The following SLCO5A1 variants were observed in gnomAD, a reference collection of about 807,000 sequenced individuals.
The protein encoded by SLCO5A1 is organic anion transporter polypeptide-related protein 4.
A neutral mutation model predicts 65.1 loss-of-function variants in SLCO5A1; 39 were observed. The ratio of observed to expected loss-of-function variants is 0.60; its 90% CI spans 0.46 to 0.78. The LOEUF (loss-of-function observed/expected upper bound fraction) is 0.78. Among genes scored for constraint, SLCO5A1 ranks in the 30% least tolerant of loss-of-function variants. SLCO5A1 has a pLI of 0.00. For synonymous variants in SLCO5A1, 438 were observed against 415.7 expected, an observed-to-expected ratio of 1.05 and a Z score of -0.65; for missense variants, 1,029 against 1,069.4, an observed-to-expected ratio of 0.96 and a Z score of 0.53.
chr8:69,795,496 A>G (rs916833600), intron 2 of SLCO5A1, among the ~76,000 whole-genome samples: 7 of 152,358 alleles, frequency 4.6e-5, no homozygotes, highest in Admixed American at 2.6e-4. Context: ...TTTGACTCCA[A>G]GTCCCACATC....
In SLCO5A1 at chr8:69,797,577, A is replaced by C. The variant is rs1819555001; in HGVS notation, c.907+34190T>G. On this transcript the variant is annotated intron_variant, in intron 2 of 9. Coordinates refer to ENST00000260126, the MANE Select transcript of SLCO5A1 (RefSeq NM_030958.3). ...TTTCCCAGCAAGGAACATCCCTGAG[A>C]AAGAGAATACGTCCCTGAGGGCAGG... is the stretch of plus-strand genomic sequence containing the variant. Among the ~76,000 whole-genome samples, 7 of 152,350 alleles carry C rather than the reference A, an allele frequency of 4.6e-5. No homozygotes were observed. In the South Asian group the frequency reaches 1.4e-3, roughly 32 times the overall value.
intron 2 of SLCO5A1, among the ~76,000 whole-genome samples, chr8:69,763,277 C>T (rs1289900700): frequency 1.3e-5 from 2 of 151,684 alleles, no homozygotes; most frequent in Non-Finnish European, 2.9e-5. Context: ...CCATCGCGCT[C>T]CAGTCTGGGC....
chr8:69,822,448 C>T (rs1014052964), intron 2 of SLCO5A1, among the ~76,000 whole-genome samples: 8 of 152,188 alleles, frequency 5.3e-5, no homozygotes, highest in African/African-American at 1.2e-4. Flanking sequence ...TATAACATTA[C>T]GAAAACACTG....
intron 6 of SLCO5A1, among the ~76,000 whole-genome samples, chr8:69,694,297 G>C (rs148337770): frequency 0.01 from 1,567 of 152,210 alleles, 10 homozygotes; most frequent in South Asian, 0.024. Context: ...CTAAGCCTCA[G>C]GTTCTTTAAC....
chr8:69,697,326 GT>G (rs1181488253), intron 6 of SLCO5A1, among the ~76,000 whole-genome samples: 6 of 152,068 alleles, frequency 3.9e-5, no homozygotes, highest in African/African-American at 1.4e-4. Context: ...GGAGGTGGAG[GT>G]TGCAGTGAGC....
intron 2 of SLCO5A1, among the ~76,000 whole-genome samples, chr8:69,762,108 T>C (rs548790570): frequency 2.0e-5 from 3 of 151,926 alleles, no homozygotes; most frequent in South Asian, 2.1e-4. Context: ...TTTTGGTGGC[T>C]TTTGTTTTGT....
intron 2 of SLCO5A1, among the ~76,000 whole-genome samples, chr8:69,812,959 G>A (rs1379637675): frequency 2.0e-5 from 3 of 152,162 alleles, no homozygotes; most frequent in Non-Finnish European, 4.4e-5. Flanking sequence ...CCATTAAAAT[G>A]AAGTTCAAAT....
intron 2 of SLCO5A1, among the ~76,000 whole-genome samples, chr8:69,790,926 T>A (rs1398602565): frequency 6.6e-6 from 1 of 152,082 alleles, no homozygotes; most frequent in Non-Finnish European, 1.5e-5. Flanking sequence ...AGGCATACCA[T>A]GACTTCAGGG....
chr8:69,784,895 G>GAAGAAAGAAAGAAAGAAAGA (rs200219200), intron 2 of SLCO5A1, among the ~76,000 whole-genome samples: 25 of 85,034 alleles, frequency 2.9e-4, no homozygotes, highest in East Asian at 8.7e-4. Flanking sequence ...AAGAAGAAAG[G>GAAGAAAGAAAGAAAGAAAGA]AAGAAAGAAA....
At chr8:69,707,607 C>T (rs1815032072) in intron 5 of SLCO5A1, among the ~76,000 whole-genome samples, 2 of 152,172 alleles carry the variant, frequency 1.3e-5, no homozygotes, top group African/African-American at 4.8e-5. Flanking sequence ...GAATTCTGAG[C>T]TGCGGCTGAC....
chr8:69,809,694 T>A (rs967990473), intron 2 of SLCO5A1, among the ~76,000 whole-genome samples: 5 of 152,008 alleles, frequency 3.3e-5, no homozygotes, highest in Admixed American at 2.0e-4. Context: ...TTATGCTATC[T>A]TTCATGTATG....
At chr8:69,818,413 G>A (rs2130917472) in intron 2 of SLCO5A1, among the ~76,000 whole-genome samples, 1 of 152,296 alleles carries the variant, frequency 6.6e-6, no homozygotes, top group East Asian at 1.9e-4. Flanking sequence ...TTCAAAGCCA[G>A]GTTTATAGAA....
intron 2 of SLCO5A1, among the ~76,000 whole-genome samples, chr8:69,765,759 G>A (rs940487766): frequency 5.3e-5 from 8 of 152,046 alleles, no homozygotes; most frequent in African/African-American, 1.9e-4. Context: ...CAGGCCCCAT[G>A]CTCAGCACAG....
At chr8:69,780,734 A>G (rs1223460154) in intron 2 of SLCO5A1, among the ~76,000 whole-genome samples, 2 of 152,148 alleles carry the variant, frequency 1.3e-5, no homozygotes, top group Admixed American at 1.3e-4. Flanking sequence ...TAAAAGGCCT[A>G]ATTTCATCAC....
chr8:69,704,661 G>A (rs1814891486), intron 6 of SLCO5A1, among the ~76,000 whole-genome samples: 2 of 152,174 alleles, frequency 1.3e-5, no homozygotes, highest in African/African-American at 2.4e-5. Flanking sequence ...AAGAGCAAGA[G>A]GTTTCACTGT....
At chr8:69,796,812 A>G (rs577906424) in intron 2 of SLCO5A1, among the ~76,000 whole-genome samples, 27 of 152,252 alleles carry the variant, frequency 1.8e-4, no homozygotes, top group Non-Finnish European at 4.0e-4. Flanking sequence ...GACTTCCACT[A>G]GATACCCTAA....
chr8:69,756,027 C>A (rs1563703794), intron 3 of SLCO5A1, among the ~76,000 whole-genome samples: 1 of 150,566 alleles, frequency 6.6e-6, no homozygotes, highest in African/African-American at 2.5e-5. Flanking sequence ...TTATGTGGAC[C>A]AATATAGACT....
At chr8:69,692,408 T>G (rs954713168) in intron 6 of SLCO5A1, among the ~76,000 whole-genome samples, 3 of 152,182 alleles carry the variant, frequency 2.0e-5, no homozygotes, top group African/African-American at 7.2e-5. Context: ...ACTGCTGTAG[T>G]CTTCATAAGC....
intron 2 of SLCO5A1, among the ~76,000 whole-genome samples, chr8:69,777,482 T>C (rs1455692211): frequency 1.6e-5 from 2 of 125,572 alleles, no homozygotes; most frequent in African/African-American, 6.0e-5. Flanking sequence ...ATCTTGACTG[T>C]GGTGATGGCT....
Sources: gnomAD v4.1 joint callset for allele counts (sites outside exome capture counted in the v4.1 genomes callset) on GRCh38, gnomAD v4.1.1 for gene constraint, MANE v1.5 for transcripts, NCBI Gene and HGNC (gene_info 2026-07-23, HGNC 2026-07-21) for gene names.